The following IFT122 variants were observed in gnomAD, a reference collection of about 807,000 sequenced individuals.
The protein encoded by IFT122 is intraflagellar transport protein 122 homolog.
IFT122 carries 118 observed loss-of-function variants against 161.6 expected under a neutral mutation model. That is an observed-to-expected ratio of 0.73 (90% CI 0.63 to 0.85). The LOEUF (loss-of-function observed/expected upper bound fraction) is 0.85, where lower values mean the gene tolerates loss of function less well. Ranked by LOEUF, IFT122 falls within the 40% of genes least tolerant of loss-of-function variation. The pLI is 0.00. For missense variants in IFT122, 1,381 were observed against 1,579.6 expected (o/e 0.87, Z 2.13); for synonymous variants, 550 against 602.4 (o/e 0.91, Z 1.27).
Position 129,440,361 on chromosome 3 carries a change from G to A in IFT122, c.31G>A (p.Ala11Thr). 5.2e-6 allele frequency: 8 copies of A among 1,550,806 alleles called. No individual in the cohort carries two copies. The highest frequency in any genetic ancestry group is 7.0e-6 in the Non-Finnish European group (8 of 1,146,830). The change falls in exon 1 of 30, where the codon GCC (alanine) becomes ACC (threonine). Residue 11 changes from alanine to threonine, a missense_variant. Ala to Thr is a moderately conservative substitution (Grantham distance 58, BLOSUM62 0). Around this residue, in one of 7 missense-constraint regions of IFT122, gnomAD observed 134 missense variants for 137.4 expected, o/e 0.98. Coordinates refer to ENST00000348417, the MANE Select transcript of IFT122 (RefSeq NM_052989.3). Reference protein sequence around the residue: MRAVLTWRDKAEHCINDIAFK... With the variant: MRAVLTWRDKTEHCINDIAFK... The stretch of plus-strand genomic sequence containing the variant: ...GGCCGTGTTGACGTGGAGAGATAAA[G>A]CCGAGCACTGGTGAGGAGCGGGGCG...
At chr3:129,467,147 C>T (rs2076893586) in intron 8 of IFT122, 81 bp downstream of exon 8, 2 of 1,406,732 alleles carry the variant, frequency 1.4e-6, no homozygotes, top group Admixed American at 3.7e-5. Flanking sequence ...ATGTTAAACT[C>T]TTTGGCCAAG....
At chr3:129,503,703 G>T (rs1347623670) in intron 20 of IFT122, among the ~76,000 whole-genome samples, 1 of 152,196 alleles carries the variant, frequency 6.6e-6, no homozygotes, top group African/African-American at 2.4e-5. Flanking sequence ...ATGAGAAAAG[G>T]TGGGGCTAGG....
chr3:129,456,278 CTTTG>C (rs891688212), intron 3 of IFT122: 246 of 1,251,276 alleles, frequency 2.0e-4, no homozygotes, highest in Non-Finnish European at 2.3e-4. Context: ...AGAGCAGTTT[CTTTG>C]TTTATTTAGT....
intron 15 of IFT122, among the ~76,000 whole-genome samples, chr3:129,485,760 G>C (rs1186119857): frequency 6.6e-6 from 1 of 152,378 alleles, no homozygotes; most frequent in East Asian, 1.9e-4. Context: ...CCTCTGCCAG[G>C]ACTTTAAGAT....
chr3:129,451,818 C>T (rs2074892677), intron 2 of IFT122, 96 bp from the exon 3 acceptor site: 7 of 974,472 alleles, frequency 7.2e-6, no homozygotes, highest in Admixed American at 1.8e-5. Flanking sequence ...AATATTGACA[C>T]GTATTGTTAT....
At chr3:129,502,675 A>G (rs1250696370) in intron 19 of IFT122, 36 bp from the exon 20 acceptor site, 7 of 1,601,326 alleles carry the variant, frequency 4.4e-6, no homozygotes, top group Non-Finnish European at 5.1e-6. Flanking sequence ...GACAAGACCC[A>G]GAGCCCACCC....
chr3:129,497,811 T>A (rs2081061435), intron 18 of IFT122, among the ~76,000 whole-genome samples: 1 of 150,886 alleles, frequency 6.6e-6, no homozygotes, highest in African/African-American at 2.4e-5. Context: ...GGAGATCTAG[T>A]CCTGATTAAC....
intron 2 of IFT122, 74 bp downstream of exon 2, chr3:129,450,011 C>A: frequency 2.6e-6 from 2 of 779,520 alleles, no homozygotes; most frequent in Non-Finnish European, 2.1e-6. Context: ...AAATTTGACC[C>A]TTTTTTTTTT....
intron 19 of IFT122, among the ~76,000 whole-genome samples, chr3:129,500,491 C>T (rs1340043302): frequency 6.6e-6 from 1 of 152,200 alleles, no homozygotes; most frequent in East Asian, 1.9e-4. Context: ...GAGCTTTAGC[C>T]TCTGATCTGC....
Position 129,495,466 on chromosome 3 carries a change from G to A in IFT122, c.2067G>A (p.Glu689=), listed in dbSNP as rs777977210. ...TCCAGGAGAGGAAGAAGCGGGGAGA[G>A]ACCAACAATGACCTGTTTCTGGCAG... The part of the protein sequence containing the change: ...SSIEERKKRG[E]TNNDLFLADV... The change falls in exon 18 of 30, where the codon GAG becomes GAA. Residue 689 remains glutamate (E), a synonymous_variant. Transcript: ENST00000348417. 1 of 1,614,186 alleles carries A rather than the reference G, an allele frequency of 6.2e-7. No homozygotes were observed. The highest frequency in any genetic ancestry group is 1.1e-5 in the South Asian group (1 of 91,076).
At position 129,495,613 on chromosome 3, in the gene IFT122, C is replaced by G. The variant is rs372799999; in HGVS notation, c.2208+6C>G. The G allele has an allele frequency of 6.2e-7, 1 of 1,614,042 alleles. No individual in the cohort carries two copies. Among genetic ancestry groups the G allele is most frequent in the African/African-American group, 1.3e-5 (1 of 74,934 alleles). On this transcript the variant is annotated splice_donor_region_variant and intron_variant, in intron 18 of 29. Transcript: ENST00000348417. ...GCATGTTTGAGTATGCCAAGGTAACCTACCCTGTCCCAGGCCCAAGCTCCA... is the reference window on the plus strand; with the variant it reads ...GCATGTTTGAGTATGCCAAGGTAACGTACCCTGTCCCAGGCCCAAGCTCCA...
chr3:129,476,697 A>T lies in IFT122; in HGVS notation c.1043A>T (p.Tyr348Phe). The change falls in exon 11 of 30, where the codon TAC (tyrosine) becomes TTC (phenylalanine). Residue 348 changes from tyrosine (Y) to phenylalanine (F), a missense_variant. By Grantham distance (22) the Tyr-to-Phe change is conservative (BLOSUM62 3). Around this residue, in one of 7 missense-constraint regions of IFT122, gnomAD observed 544 missense variants for 648.0 expected, o/e 0.84. Coordinates refer to ENST00000348417, the MANE Select transcript of IFT122 (RefSeq NM_052989.3). Reference sequence around the variant, plus strand: ...TGCCAGGACGGCACCATTTCCTTCTACCAGCTTATTTTCAGCACAGTCCAT... The same window carrying T: ...TGCCAGGACGGCACCATTTCCTTCTTCCAGCTTATTTTCAGCACAGTCCAT... ...VGCQDGTISF[Y>F]QLIFSTVHGL... 1 of 1,614,118 alleles carries T rather than the reference A, an allele frequency of 6.2e-7. No homozygotes were observed.
chr3:129,479,868 G>C lies in IFT122; in HGVS notation c.1434G>C (p.Val478=). The C allele has an allele frequency of 6.2e-7, 1 of 1,614,090 alleles. No individual in the cohort carries two copies. Among genetic ancestry groups the C allele is most frequent in the Non-Finnish European group, 8.5e-7 (1 of 1,180,028 alleles). ...AGTCTCTCATTCGTTACATCAAGGT[G>C]ATCGGTGGCCCTCCTGGAAGAGAAG... ...QMESLIRYIK[V]IGGPPGREGL... Residue 478 remains valine (V), a synonymous_variant, in exon 13 of 30, where the codon GTG becomes GTC. Transcript: ENST00000348417.
At chr3:129,487,953 G>GT in intron 15 of IFT122, 3 of 462,204 alleles carry the variant, frequency 6.5e-6, no homozygotes, top group South Asian at 2.1e-5. Context: ...AGAGTGGGGA[G>GT]GGGCAAAGGC....
At chr3:129,503,509 C>G (rs2081852213) in intron 20 of IFT122, among the ~76,000 whole-genome samples, 1 of 152,114 alleles carries the variant, frequency 6.6e-6, no homozygotes, top group African/African-American at 2.4e-5. Context: ...CTCACTGGCT[C>G]CCTGTTCCCT....
At position 129,451,237 on chromosome 3, in the gene IFT122, T is replaced by C. The variant is rs150830787; in HGVS notation, c.109-677T>C. The stretch of plus-strand genomic sequence containing the variant: ...CCTCAGCCTCCCGAGTAGCTAGGAC[T>C]GTGGACACACACCACCTCGTCCACC... On this transcript the variant is annotated intron_variant, in intron 2 of 29. Coordinates refer to ENST00000348417, the MANE Select transcript of IFT122 (RefSeq NM_052989.3). Among the ~76,000 whole-genome samples the C allele has an allele frequency of 2.6e-4, 39 of 152,310 alleles. No individual in the cohort carries two copies. The East Asian group carries it at 7.3e-3, about 29-fold the overall frequency.
intron 21 of IFT122, 91 bp from the exon 22 acceptor site, chr3:129,506,318 G>C (rs973379138): frequency 1.3e-6 from 2 of 1,482,788 alleles, no homozygotes; most frequent in African/African-American, 2.8e-5. Flanking sequence ...TTCCAAAGCA[G>C]CCCTGTGCAA....
In IFT122 at chr3:129,463,584, C is replaced by G. The variant is rs1001245686; in HGVS notation, c.374C>G (p.Ser125Cys). 6.2e-7 allele frequency: 1 copy of G among 1,613,862 alleles called. No individual in the cohort carries two copies. Among genetic ancestry groups the G allele is most frequent in the African/African-American group, 1.3e-5 (1 of 74,924 alleles). The part of the protein sequence containing the change: ...DFGLWSPEQK[S>C]VSKHKSSSKI... ...GGGTTGTGGTCTCCTGAACAGAAGT[C>G]TGTCTCCAAACACAAATCAAGCAGC... The change falls in exon 6 of 30, where the codon TCT becomes TGT. Residue 125 changes from serine to cysteine, a missense_variant. By Grantham distance (112) the Ser-to-Cys change is moderately radical. Coordinates refer to ENST00000348417, the MANE Select transcript of IFT122 (RefSeq NM_052989.3).
chr3:129,510,046 T>C (rs2082637101), intron 23 of IFT122, among the ~76,000 whole-genome samples: 1 of 152,162 alleles, frequency 6.6e-6, no homozygotes, highest in Non-Finnish European at 1.5e-5. Context: ...CCTGACCTGC[T>C]CCCTCCAGCT....
Sources: gnomAD v4.1 joint callset for allele counts (sites outside exome capture counted in the v4.1 genomes callset) on GRCh38, gnomAD v4.1.1 for gene constraint, gnomAD v4.1.1 regional missense constraint, MANE v1.5 for transcripts, NCBI Gene and HGNC (gene_info 2026-07-23, HGNC 2026-07-21) for gene names.